GLIS3: variants seen among roughly 807,000 people sequenced by gnomAD.
GLIS3 encodes the protein GLIS family zinc finger 3, also known as zinc finger protein GLIS3.
In GLIS3, 53 loss-of-function variants were observed where a neutral mutation model predicts 78.6. The observed-to-expected ratio is 0.67, with a 90% CI of 0.54 to 0.85. GLIS3 has a LOEUF of 0.85. Among genes scored for constraint, GLIS3 ranks in the 40% least tolerant of loss-of-function variants. The probability of loss-of-function intolerance (pLI) is 0.00; values close to 1 mark genes in which losing one functional copy is unlikely to be tolerated. For missense variants in GLIS3, 1,703 were observed against 1,231.1 expected, an observed-to-expected ratio of 1.38 and a Z score of -5.74; for synonymous variants, 684 against 509.9, an observed-to-expected ratio of 1.34 and a Z score of -4.60.
chr9:4,412,419 A>G, the GLIS3 span, among the ~76,000 whole-genome samples: 1 of 152,188 alleles, frequency 6.6e-6, no homozygotes, highest in East Asian at 1.9e-4. Context: ...TCTGAACTAG[A>G]GAGTATTCCA....
At chr9:4,426,536 AG>A in the GLIS3 span, among the ~76,000 whole-genome samples, 1 of 152,256 alleles carries the variant, frequency 6.6e-6, no homozygotes, top group Non-Finnish European at 1.5e-5. Flanking sequence ...TCATTCTTTA[AG>A]ACTGTGTAAA....
rs141478289 is a variant in GLIS3 at position 4,201,811 on chromosome 9, A to C, written c.389-75870T>G. Among the ~76,000 whole-genome samples, 591 of 152,268 alleles carry C rather than the reference A, an allele frequency of 3.9e-3. 2 individuals carry two copies. The highest frequency in any genetic ancestry group is 5.2e-3 in the Non-Finnish European group (352 of 68,008). On this transcript the variant is annotated intron_variant, in intron 2 of 10. Transcript: ENST00000381971. ...CTATTCCTATTAAGCTAATAACTTC[A>C]TTTTTCACAGAACTAGAAAAAGCTA... is the stretch of plus-strand genomic sequence containing the variant.
rs116391526 is a variant in GLIS3 at position 4,119,688 on chromosome 9, T to C, written c.597-807A>G. ...CAAGCAGCTTTGGGCCAAGAGCAGA[T>C]CGTTCACTTTCTGTAATTGACTTTT... On this transcript the variant is annotated intron_variant, in intron 3 of 10. Transcript: ENST00000381971. Among the ~76,000 whole-genome samples the C allele has an allele frequency of 5.3e-3, 803 of 152,332 alleles. 10 individuals carry two copies. The highest frequency in any genetic ancestry group is 0.018 in the African/African-American group (749 of 41,568).
At chr9:4,133,825 T>TATACAC (rs1232604243) in intron 2 of GLIS3, among the ~76,000 whole-genome samples, 6 of 121,800 alleles carry the variant, frequency 4.9e-5, no homozygotes, top group Non-Finnish European at 8.9e-5. Flanking sequence ...CAAGACCTTC[T>TATACAC]ACACACACAC....
the GLIS3 span, among the ~76,000 whole-genome samples, chr9:4,410,925 T>C: frequency 1.8e-4 from 27 of 152,332 alleles, no homozygotes; most frequent in Admixed American, 3.3e-4. Context: ...CTGTGAGAAA[T>C]ATAATTCTCA....
the GLIS3 span, among the ~76,000 whole-genome samples, chr9:4,484,537 G>C: frequency 3.4e-5 from 5 of 145,450 alleles, no homozygotes; most frequent in African/African-American, 1.3e-4. Flanking sequence ...TCTTGCCTCA[G>C]CCTCCCGGGT....
intron 2 of GLIS3, among the ~76,000 whole-genome samples, chr9:4,189,791 G>A (rs1252324655): frequency 1.3e-5 from 2 of 151,958 alleles, no homozygotes; most frequent in African/African-American, 2.4e-5. Context: ...TTTAAAGTCT[G>A]TTTTATCAGA....
At chr9:3,876,622 A>C (rs1465574756) in intron 8 of GLIS3, among the ~76,000 whole-genome samples, 1 of 78,158 alleles carries the variant, frequency 1.3e-5, no homozygotes, top group Non-Finnish European at 2.6e-5. Flanking sequence ...GAAAACAAAG[A>C]ATCACCAAAG....
intron 2 of GLIS3, among the ~76,000 whole-genome samples, chr9:4,201,134 T>A (rs992598798): frequency 6.6e-6 from 1 of 152,118 alleles, no homozygotes; most frequent in Non-Finnish European, 1.5e-5. Context: ...AAATCAAACA[T>A]GCCTTCATGA....
At chr9:4,158,178 G>A (rs771681800) in intron 2 of GLIS3, among the ~76,000 whole-genome samples, 1 of 151,892 alleles carries the variant, frequency 6.6e-6, no homozygotes, top group South Asian at 2.1e-4. Flanking sequence ...TTATTCTGTC[G>A]AGAATTCCTT....
chr9:4,017,002 C>A (rs1822498296), intron 4 of GLIS3, among the ~76,000 whole-genome samples: 1 of 152,204 alleles, frequency 6.6e-6, no homozygotes, highest in African/African-American at 2.4e-5. Flanking sequence ...TGTCCAGGAA[C>A]AACCATTCAA....
At chr9:4,407,421 G>A in the GLIS3 span, among the ~76,000 whole-genome samples, 1 of 152,226 alleles carries the variant, frequency 6.6e-6, no homozygotes, top group Non-Finnish European at 1.5e-5. Flanking sequence ...CGAGGCAGGT[G>A]GATCACGAGG....
intron 4 of GLIS3, among the ~76,000 whole-genome samples, chr9:3,987,761 CAAAAAAAAAAAAAAA>C (rs60986898): frequency 1.9e-4 from 2 of 10,474 alleles, no homozygotes; most frequent in African/African-American, 6.9e-4. Flanking sequence ...CTGGATTTGG[CAAAAAAAAAAAAAAA>C]AAAAAAAAAA....
At chr9:4,255,894 C>G (rs1393227529) in intron 2 of GLIS3, among the ~76,000 whole-genome samples, 1 of 151,994 alleles carries the variant, frequency 6.6e-6, no homozygotes, top group Non-Finnish European at 1.5e-5. Context: ...CAGGTTCATC[C>G]ACTGTAACGA....
At chr9:4,471,429 C>T in the GLIS3 span, among the ~76,000 whole-genome samples, 2 of 152,098 alleles carry the variant, frequency 1.3e-5, no homozygotes, top group African/African-American at 4.8e-5. Context: ...TGGAACAGAA[C>T]AGAGCCCTCA....
chr9:4,002,218 G>A (rs1456830353), intron 4 of GLIS3, among the ~76,000 whole-genome samples: 1 of 152,192 alleles, frequency 6.6e-6, no homozygotes, highest in African/African-American at 2.4e-5. Context: ...GAGGTCACAA[G>A]CCAAGGAATG....
At chr9:4,050,045 C>T (rs1395963701) in intron 4 of GLIS3, among the ~76,000 whole-genome samples, 3 of 152,126 alleles carry the variant, frequency 2.0e-5, no homozygotes, top group Admixed American at 6.5e-5. Context: ...TGTGGCAATT[C>T]CTCAGGGATC....
At chr9:3,855,958 C>G (rs775479939) in intron 9 of GLIS3, 51 bp downstream of exon 9, 5 of 1,558,482 alleles carry the variant, frequency 3.2e-6, no homozygotes, top group Non-Finnish European at 4.4e-6. Context: ...TGAAAAGCAA[C>G]AGCACAATGT....
At position 3,959,688 on chromosome 9, in the gene GLIS3, T is replaced by TGACTC. The variant is rs201648878; in HGVS notation, c.1711-22504_1711-22500dup. 1.0e-3 allele frequency among the ~76,000 whole-genome samples: 154 copies of TGACTC among 152,314 alleles called. 3 individuals carry two copies. The East Asian group carries it at 0.027, about 27-fold the overall frequency. ...ATTCCCTGCCCCAACACTTCACCTCTGACTCTTCTCAGGAACATTTCTTCC... is the reference window on the plus strand; with the variant it reads ...ATTCCCTGCCCCAACACTTCACCTCTGACTCGACTCTTCTCAGGAACATTTCTTCC... On this transcript the variant is annotated intron_variant, in intron 4 of 10. Transcript: ENST00000381971.
Sources: allele counts gnomAD v4.1 joint callset (sites outside exome capture counted in the v4.1 genomes callset), GRCh38; gene constraint gnomAD v4.1.1; transcripts MANE v1.5; gene names NCBI Gene and HGNC (gene_info 2026-07-23, HGNC 2026-07-21).